SLC44A3: variants seen among roughly 807,000 people sequenced by gnomAD.
The protein encoded by SLC44A3 is solute carrier family 44 member 3.
In SLC44A3, 74 loss-of-function variants were observed where a neutral mutation model predicts 75.4. The ratio of observed to expected loss-of-function variants is 0.98; its 90% CI spans 0.81 to 1.19. The LOEUF (loss-of-function observed/expected upper bound fraction) is 1.19. Among genes scored for constraint, SLC44A3 ranks in the 50% most tolerant of loss-of-function variants. SLC44A3 has a pLI of 0.00. For synonymous variants in SLC44A3, 310 were observed against 296.9 expected (o/e 1.04, Z -0.45); for missense variants, 700 against 778.6 (o/e 0.90, Z 1.20).
intron 9 of SLC44A3, among the ~76,000 whole-genome samples, chr1:94,849,153 G>T (rs1338318408): frequency 6.6e-6 from 1 of 152,116 alleles, no homozygotes; most frequent in Admixed American, 6.5e-5. Context: ...CAGGGCTGAA[G>T]GTAGCGTGTC....
At chr1:94,850,476 G>A (rs895327258) in intron 9 of SLC44A3, among the ~76,000 whole-genome samples, 1 of 152,126 alleles carries the variant, frequency 6.6e-6, no homozygotes, top group Non-Finnish European at 1.5e-5. Flanking sequence ...CTTCCCGCGA[G>A]GTCTGTGCTG....
At chr1:94,847,930 A>C (rs1664628313) in intron 9 of SLC44A3, among the ~76,000 whole-genome samples, 1 of 152,136 alleles carries the variant, frequency 6.6e-6, no homozygotes, top group African/African-American at 2.4e-5. Flanking sequence ...GCTAGGAAAT[A>C]AAAATAGGCC....
At chr1:94,831,677 T>G (rs1662151638) in intron 5 of SLC44A3, among the ~76,000 whole-genome samples, 1 of 152,162 alleles carries the variant, frequency 6.6e-6, no homozygotes, top group Non-Finnish European at 1.5e-5. Flanking sequence ...GTGGATATTT[T>G]CCCCCCAGTA....
intron 3 of SLC44A3, among the ~76,000 whole-genome samples, chr1:94,825,171 C>A (rs7543977): frequency 2.2e-4 from 33 of 152,112 alleles, no homozygotes; most frequent in African/African-American, 7.0e-4. Context: ...CCTTACCCCA[C>A]CTCCCACAGG....
intron 9 of SLC44A3, among the ~76,000 whole-genome samples, chr1:94,848,241 A>G (rs1173096101): frequency 6.6e-6 from 1 of 151,572 alleles, no homozygotes; most frequent in East Asian, 1.9e-4. Context: ...AAAAAAAAAA[A>G]AATAGGCCTC....
intron 9 of SLC44A3, chr1:94,855,458 G>A (rs1379166553): frequency 6.6e-6 from 1 of 152,114 alleles, no homozygotes; most frequent in East Asian, 1.9e-4. Flanking sequence ...CTACCTAACA[G>A]GCATTCTGTT....
In SLC44A3 at chr1:94,892,390, T is replaced by C; in HGVS notation, c.1730T>C (p.Leu577Ser). 1 of 1,614,222 alleles carries C rather than the reference T, an allele frequency of 6.2e-7. No homozygotes were observed. The highest frequency in any genetic ancestry group is 8.5e-7 in the Non-Finnish European group (1 of 1,180,032). ...TTATTGGTAGCTTTTTTTGCCTACT[T>C]AGTAGCCCATAGTTTTTTATCTGTG... ...PLLLVAFFAY[L>S]VAHSFLSVFE... The change falls in exon 14 of 15, where the codon TTA (leucine) becomes TCA (serine). Residue 577 changes from leucine to serine, a missense_variant. By Grantham distance (145) the Leu-to-Ser change is moderately radical (BLOSUM62 -2). Coordinates refer to ENST00000271227, the MANE Select transcript of SLC44A3 (RefSeq NM_001114106.3).
chr1:94,825,775 G>T, intron 3 of SLC44A3: 1 of 454,552 alleles, frequency 2.2e-6, no homozygotes. Context: ...CTCCTAAGGG[G>T]GCTCTTGCTC....
At chr1:94,852,885 G>A (rs1665394349) in intron 9 of SLC44A3, among the ~76,000 whole-genome samples, 1 of 152,072 alleles carries the variant, frequency 6.6e-6, no homozygotes, top group South Asian at 2.1e-4. Flanking sequence ...GCATTTTAGG[G>A]GTAGATCAGA....
intron 8 of SLC44A3, among the ~76,000 whole-genome samples, chr1:94,842,437 T>G (rs1426306062): frequency 6.6e-6 from 1 of 152,196 alleles, no homozygotes; most frequent in African/African-American, 2.4e-5. Context: ...TTACGGCAGT[T>G]CCCATTCCCT....
chr1:94,826,196 A>G (rs1661319229), intron 3 of SLC44A3, among the ~76,000 whole-genome samples: 1 of 152,230 alleles, frequency 6.6e-6, no homozygotes, highest in Non-Finnish European at 1.5e-5. Flanking sequence ...GATTCCTAGA[A>G]ACAGAAAGTA....
intron 12 of SLC44A3, among the ~76,000 whole-genome samples, chr1:94,881,742 G>A (rs1328792642): frequency 6.6e-6 from 1 of 150,832 alleles, no homozygotes; most frequent in Non-Finnish European, 1.5e-5. Flanking sequence ...GGGCACGTTG[G>A]CTCATGCCTG....
intron 5 of SLC44A3, among the ~76,000 whole-genome samples, chr1:94,828,814 G>A (rs2640066): frequency 0.54 from 82,698 of 152,032 alleles, 22,575 homozygotes; most frequent in East Asian, 0.69. Context: ...AACTCAGCAA[G>A]CAATAAAAAT....
intron 9 of SLC44A3, among the ~76,000 whole-genome samples, chr1:94,854,930 G>C (rs911505723): frequency 6.6e-6 from 1 of 151,982 alleles, no homozygotes; most frequent in Non-Finnish European, 1.5e-5. Context: ...ATGTCGGTGA[G>C]AAACCCTGCC....
intron 9 of SLC44A3, among the ~76,000 whole-genome samples, chr1:94,850,540 A>G (rs559641610): frequency 1.3e-5 from 2 of 152,300 alleles, no homozygotes; most frequent in East Asian, 3.9e-4. Context: ...TGTACTTGGG[A>G]TACACAAAGG....
chr1:94,857,809 C>CTT (rs34204401), intron 10 of SLC44A3, among the ~76,000 whole-genome samples: 46 of 63,994 alleles, frequency 7.2e-4, no homozygotes, highest in African/African-American at 1.0e-3. Flanking sequence ...ATGGAGTAGC[C>CTT]TTTTTTTTTT....
chr1:94,825,253 G>A (rs1661153342), intron 3 of SLC44A3, among the ~76,000 whole-genome samples: 1 of 152,244 alleles, frequency 6.6e-6, no homozygotes, highest in African/African-American at 2.4e-5. Context: ...GAACTTCTAA[G>A]ATGGAGACTG....
chr1:94,822,033 C>T (rs1018581547), intron 2 of SLC44A3, among the ~76,000 whole-genome samples: 3 of 152,238 alleles, frequency 2.0e-5, no homozygotes, highest in Non-Finnish European at 4.4e-5. Flanking sequence ...AGTGCACCTA[C>T]AATACCTTCT....
chr1:94,879,838 C>CA (rs763642670), intron 12 of SLC44A3, among the ~76,000 whole-genome samples: 5,288 of 60,196 alleles, frequency 0.088, 234 homozygotes, highest in African/African-American at 0.21. Context: ...GATTCTGTCT[C>CA]AAAAAAAAAA....
Sources: allele counts gnomAD v4.1 joint callset (sites outside exome capture counted in the v4.1 genomes callset), GRCh38; gene constraint gnomAD v4.1.1; transcripts MANE v1.5; gene names NCBI Gene and HGNC (gene_info 2026-07-23, HGNC 2026-07-21).